Variants in SUSD4 observed in about 807,000 individuals in gnomAD.
SUSD4 encodes sushi domain containing 4.
SUSD4 carries 41 observed loss-of-function variants against 50.5 expected under a neutral mutation model. That is an observed-to-expected ratio of 0.81 (90% CI 0.63 to 1.05). The LOEUF is 1.05. SUSD4 is among the 50% of genes least tolerant of loss of function. SUSD4 has a pLI of 0.00. For missense variants in SUSD4, 580 were observed against 634.7 expected (o/e 0.91, Z 0.93); for synonymous variants, 257 against 257.3 (o/e 1.00, Z 0.01).
At chr1:223,314,373 T>C (rs917068423) in intron 2 of SUSD4, among the ~76,000 whole-genome samples, 5 of 151,988 alleles carry the variant, frequency 3.3e-5, no homozygotes, top group African/African-American at 1.2e-4. Flanking sequence ...GAAAGTTACA[T>C]AGATCTACAA....
At chr1:223,298,078 C>A (rs1173578798) in intron 2 of SUSD4, among the ~76,000 whole-genome samples, 1 of 150,760 alleles carries the variant, frequency 6.6e-6, no homozygotes, top group Admixed American at 6.6e-5. Context: ...GAATGGCTGG[C>A]TGGATGGGTG....
intron 2 of SUSD4, among the ~76,000 whole-genome samples, chr1:223,355,718 G>A (rs1452029814): frequency 6.6e-6 from 1 of 152,080 alleles, no homozygotes; most frequent in Admixed American, 6.5e-5. Flanking sequence ...GGAGATAAAG[G>A]TCACAAATTT....
intron 3 of SUSD4, among the ~76,000 whole-genome samples, chr1:223,272,218 T>G (rs1471673105): frequency 6.6e-6 from 1 of 152,198 alleles, no homozygotes; most frequent in Admixed American, 6.5e-5. Context: ...CATCAAAATC[T>G]GCTTCTGTCC....
chr1:223,346,304 C>T (rs1168149990), intron 2 of SUSD4, among the ~76,000 whole-genome samples: 1 of 152,098 alleles, frequency 6.6e-6, no homozygotes, highest in African/African-American at 2.4e-5. Context: ...TCGTCGATGG[C>T]CTCCTGAGGA....
intron 3 of SUSD4, among the ~76,000 whole-genome samples, chr1:223,273,440 C>T (rs144282600): frequency 1.3e-5 from 2 of 152,360 alleles, no homozygotes; most frequent in East Asian, 1.9e-4. Flanking sequence ...TAACCTTTAG[C>T]CCCTGGAATG....
intron 3 of SUSD4, among the ~76,000 whole-genome samples, chr1:223,284,823 T>C (rs1049234233): frequency 2.0e-5 from 3 of 151,976 alleles, no homozygotes; most frequent in African/African-American, 7.3e-5. Context: ...ACTGATCTCA[T>C]AGAAGTAAAA....
intron 2 of SUSD4, among the ~76,000 whole-genome samples, chr1:223,308,259 T>C (rs563860404): frequency 6.6e-6 from 1 of 152,252 alleles, no homozygotes; most frequent in African/African-American, 2.4e-5. Flanking sequence ...GTTCAGCACA[T>C]CCCCTTGGTG....
chr1:223,270,639 A>G (rs35636122), intron 3 of SUSD4, among the ~76,000 whole-genome samples: 127,062 of 152,100 alleles, frequency 0.84, 53,581 homozygotes, highest in African/African-American at 0.96. Context: ...GCATAATCTC[A>G]GCTCACTGCA....
intron 2 of SUSD4, among the ~76,000 whole-genome samples, chr1:223,337,978 G>T (rs1262696866): frequency 6.6e-6 from 1 of 152,204 alleles, no homozygotes; most frequent in Non-Finnish European, 1.5e-5. Context: ...GACTCCTAGG[G>T]AATAATTGAG....
intron 2 of SUSD4, among the ~76,000 whole-genome samples, chr1:223,297,658 G>T (rs1664914703): frequency 6.6e-6 from 1 of 152,120 alleles, no homozygotes; most frequent in East Asian, 1.9e-4. Flanking sequence ...GTCTGAATAG[G>T]AGGCCTCTCT....
chr1:223,364,876 G>C (rs144084575), upstream of SUSD4, among the ~76,000 whole-genome samples: 2,021 of 152,158 alleles, frequency 0.013, 19 homozygotes, highest in Non-Finnish European at 0.021. The surrounding 1 kb of genome is among the most constrained non-coding windows in gnomAD (Gnocchi z 4.5). Flanking sequence ...AGCTCTGCGC[G>C]TCCCCAGGGA....
rs544273723 is a variant in SUSD4, at chr1:223,251,938, C to T, written c.724+12692G>A. On this transcript the variant is annotated intron_variant, in intron 5 of 8. Coordinates refer to ENST00000366878, the MANE Select transcript of SUSD4 (RefSeq NM_017982.4). Reference sequence around the variant, plus strand: ...TGTTGTTTCCTGACTTTTTAATGATCGCCATTCTAACTCAGCAAACTATTG... The same window carrying T: ...TGTTGTTTCCTGACTTTTTAATGATTGCCATTCTAACTCAGCAAACTATTG... Among the ~76,000 whole-genome samples, 15 of 151,914 alleles carry T rather than the reference C, an allele frequency of 9.9e-5. No individual in the cohort carries two copies. In the East Asian group the frequency reaches 1.7e-3, roughly 18 times the overall value.
At chr1:223,245,240 T>C (rs945407349) in intron 5 of SUSD4, among the ~76,000 whole-genome samples, 2 of 151,224 alleles carry the variant, frequency 1.3e-5, no homozygotes, top group Non-Finnish European at 2.9e-5. Flanking sequence ...GTTTGTCTTT[T>C]TATTTTATCT....
rs1272024616 is a variant in SUSD4 at position 223,268,655 on chromosome 1, C to T, written c.382G>A (p.Glu128Lys). The change falls in exon 4 of 9, where the codon GAA (glutamate) becomes AAA (lysine). Residue 128 changes from glutamate to lysine, a missense_variant. Coordinates refer to ENST00000366878, the MANE Select transcript of SUSD4 (RefSeq NM_017982.4). ...GTCTTGTTATGAATCTCAGCATCTT[C>T]GATTTGAGGGATACGGCAATCTGCA... Reference protein sequence around the residue: ...VQEDCRIPQIEDAEIHNKTYR... With the variant: ...VQEDCRIPQIKDAEIHNKTYR... 9 of 1,611,960 alleles carry T rather than the reference C, an allele frequency of 5.6e-6. No homozygotes were observed. Among genetic ancestry groups the T allele is most frequent in the Middle Eastern group, 1.6e-4 (1 of 6,076 alleles).
intron 3 of SUSD4, among the ~76,000 whole-genome samples, chr1:223,269,577 G>A (rs184340950): frequency 5.9e-5 from 9 of 152,240 alleles, no homozygotes; most frequent in Admixed American, 4.6e-4. Context: ...CACATTGATC[G>A]CAATGTGTCT....
intron 2 of SUSD4, among the ~76,000 whole-genome samples, chr1:223,294,422 G>A (rs992147991): frequency 6.6e-6 from 1 of 152,208 alleles, no homozygotes; most frequent in Admixed American, 6.5e-5. Context: ...TTCCTCAGCT[G>A]CAGGTGAATT....
intron 5 of SUSD4, among the ~76,000 whole-genome samples, chr1:223,236,545 GC>G (rs1660232409): frequency 6.7e-6 from 1 of 149,996 alleles, no homozygotes; most frequent in South Asian, 2.1e-4. Flanking sequence ...TCTGTGTCTA[GC>G]TTTTTTTTTT....
intron 5 of SUSD4, among the ~76,000 whole-genome samples, chr1:223,244,435 T>C (rs544521907): frequency 6.6e-6 from 1 of 152,210 alleles, no homozygotes; most frequent in East Asian, 1.9e-4. Flanking sequence ...GAGGTGAGAC[T>C]TCAAGGGGCC....
intron 6 of SUSD4, among the ~76,000 whole-genome samples, 199 bp downstream of exon 6, chr1:223,228,998 A>G (rs2102998684): frequency 6.6e-6 from 1 of 152,066 alleles, no homozygotes; most frequent in South Asian, 2.1e-4. Context: ...AATACTCTTG[A>G]CTGTCTGAAC....
Sources: gnomAD v4.1 joint callset for allele counts (sites outside exome capture counted in the v4.1 genomes callset) on GRCh38, gnomAD v4.1.1 for gene constraint, Gnocchi (gnomAD v3.1) non-coding constraint, MANE v1.5 for transcripts, NCBI Gene and HGNC (gene_info 2026-07-23, HGNC 2026-07-21) for gene names.